Variants in IQCH observed in about 807,000 individuals in gnomAD.
IQCH encodes IQ motif containing H.
IQCH carries 98 observed loss-of-function variants against 117.0 expected under a neutral mutation model. The observed-to-expected ratio is 0.84, with a 90% CI of 0.71 to 0.99. The LOEUF (loss-of-function observed/expected upper bound fraction) is 0.99. IQCH is among the 50% of genes least tolerant of loss of function. The probability of loss-of-function intolerance (pLI) is 0.00; values close to 1 mark genes in which losing one functional copy is unlikely to be tolerated. For missense variants in IQCH, 1,102 were observed against 1,243.8 expected (o/e 0.89, Z 1.72); for synonymous variants, 412 against 448.2 (o/e 0.92, Z 1.02).
Position 67,424,674 on chromosome 15 carries a change from T to C in IQCH, c.2505+3097T>C, listed in dbSNP as rs2081842333. Among the ~76,000 whole-genome samples the C allele has an allele frequency of 6.6e-6, 1 of 152,194 alleles. No homozygotes were observed. Among genetic ancestry groups the C allele is most frequent in the South Asian group, 2.1e-4 (1 of 4,824 alleles). On this transcript the variant is annotated intron_variant, in intron 16 of 20. Transcript: ENST00000335894. This position sits in a 1 kb window ranked among gnomAD's most constrained non-coding sequence, Gnocchi z 4.9. ...TTTGAAGAAGGAGCTCAAACATTCA[T>C]TGGATGAATGGGATAGATAGATATT...
Position 67,406,658 on chromosome 15 carries a change from G to A in IQCH, c.2097+6353G>A, listed in dbSNP as rs1971919315. 3 of 152,280 alleles carry A rather than the reference G, an allele frequency of 2.0e-5. No homozygotes were observed. The highest frequency in any genetic ancestry group is 1.9e-4 in the East Asian group (1 of 5,190). The allele number at this position is 152,280 out of a possible 1,614,324, so 9.4% of individuals were successfully genotyped here. A position where few individuals can be genotyped will look rare whatever the true frequency, so the allele number is the denominator to read the frequency against. The stretch of plus-strand genomic sequence containing the variant: ...GCAGAATGAGTGTTGGAACAGGCTA[G>A]TCATTCAGGGTAACTAAGAGGTAGT... On this transcript the variant is annotated intron_variant, in intron 14 of 20. Transcript: ENST00000335894. This position sits in a 1 kb window ranked among gnomAD's most constrained non-coding sequence, Gnocchi z 4.5.
At position 67,366,508 on chromosome 15, in the gene IQCH, A is replaced by G. The variant is rs558558531; in HGVS notation, c.754-5603A>G. Among the ~76,000 whole-genome samples, 200 of 152,350 alleles carry G rather than the reference A, an allele frequency of 1.3e-3. No homozygotes were observed. Among genetic ancestry groups the G allele is most frequent in the Non-Finnish European group, 2.5e-3 (172 of 68,032 alleles). Reference sequence around the variant, plus strand: ...TTTTTCTCCTCAGGAAGTGTTTCAGAGTTCAGGAAGACTCATTTGAATAAA... The same window carrying G: ...TTTTTCTCCTCAGGAAGTGTTTCAGGGTTCAGGAAGACTCATTTGAATAAA... On this transcript the variant is annotated intron_variant, in intron 8 of 20. Transcript: ENST00000335894. This position sits in a 1 kb window ranked among gnomAD's most constrained non-coding sequence, Gnocchi z 4.4.
rs941263017 is a variant in IQCH, at chr15:67,370,781, T to C, written c.754-1330T>C. Among the ~76,000 whole-genome samples the C allele has an allele frequency of 5.3e-5, 8 of 152,220 alleles. No homozygotes were observed. The highest frequency in any genetic ancestry group is 1.0e-4 in the Non-Finnish European group (7 of 68,028). On this transcript the variant is annotated intron_variant, in intron 8 of 20. Coordinates refer to ENST00000335894, the MANE Select transcript of IQCH (RefSeq NM_001031715.3). This position sits in a 1 kb window ranked among gnomAD's most constrained non-coding sequence, Gnocchi z 5.6. ...AAGCTCACTGCTGTTTAAAGTCTGC[T>C]TCTAAAGTGAAAGGAAATTTGCACT...
Position 67,500,598 on chromosome 15 carries a change from G to A in IQCH, c.2971-35G>A, listed in dbSNP as rs1370603971. 1 of 1,079,420 alleles carries A rather than the reference G, an allele frequency of 9.3e-7. No homozygotes were observed. The highest frequency in any genetic ancestry group is 1.6e-5 in the African/African-American group (1 of 63,450). 66.9% of individuals were successfully genotyped at this position (1,079,420 alleles called of 1,614,324 possible). On this transcript the variant is annotated intron_variant, in intron 20 of 20. Transcript: ENST00000335894. This position sits in a 1 kb window ranked among gnomAD's most constrained non-coding sequence, Gnocchi z 4.4. ...TGCTTGGGGGAGAGGGATTGTAAGAGGTCTTTAAGTAATAAATATTGTCTT... is the reference window on the plus strand; with the variant it reads ...TGCTTGGGGGAGAGGGATTGTAAGAAGTCTTTAAGTAATAAATATTGTCTT...
chr15:67,363,804 G>T (rs1970236361), intron 8 of IQCH, among the ~76,000 whole-genome samples: 1 of 152,172 alleles, frequency 6.6e-6, no homozygotes, highest in African/African-American at 2.4e-5. Context: ...AGAACATGCA[G>T]TATTTGGTTT....
chr15:67,469,850 C>T (rs116377735), intron 17 of IQCH, among the ~76,000 whole-genome samples: 34 of 152,318 alleles, frequency 2.2e-4, no homozygotes, highest in African/African-American at 7.9e-4. Context: ...GGTCAGTAGG[C>T]AAGCAAGTAG....
chr15:67,416,228 C>T lies in IQCH; in HGVS notation c.2098-703C>T, dbSNP rs2081572176. Among the ~76,000 whole-genome samples the T allele has an allele frequency of 6.6e-6, 1 of 151,796 alleles. No homozygotes were observed. The highest frequency in any genetic ancestry group is 2.4e-5 in the African/African-American group (1 of 41,302). On this transcript the variant is annotated intron_variant, in intron 14 of 20. Coordinates refer to ENST00000335894, the MANE Select transcript of IQCH (RefSeq NM_001031715.3). The surrounding 1 kb of genome is among the most constrained non-coding windows in gnomAD (Gnocchi z 5.1). ...TGAAACCCTATCTCTACTAAAAATA[C>T]AAAATTAGGCTGGGCACAGTGGCTC...
chr15:67,462,780 ACT>A (rs1285752893), intron 16 of IQCH, among the ~76,000 whole-genome samples: 1 of 151,884 alleles, frequency 6.6e-6, no homozygotes, highest in Non-Finnish European at 1.5e-5. Flanking sequence ...CAAAATAGAA[ACT>A]CTGAAAAAAA....
At chr15:67,262,645 A>G (rs1363498438) in intron 2 of IQCH, among the ~76,000 whole-genome samples, 1 of 152,172 alleles carries the variant, frequency 6.6e-6, no homozygotes, top group Non-Finnish European at 1.5e-5. Context: ...CTAAAAATGC[A>G]TTGACTATTG....
intron 4 of IQCH, among the ~76,000 whole-genome samples, chr15:67,325,548 T>C (rs1234422886): frequency 6.6e-6 from 1 of 152,104 alleles, no homozygotes; most frequent in Non-Finnish European, 1.5e-5. Flanking sequence ...TTTTGAAGTA[T>C]GTACATATAA....
At chr15:67,468,755 C>T (rs1433695021) in intron 17 of IQCH, among the ~76,000 whole-genome samples, 2 of 152,088 alleles carry the variant, frequency 1.3e-5, no homozygotes, top group Non-Finnish European at 2.9e-5. Context: ...ATTTGTGGTC[C>T]CTTACTGCCG....
intron 8 of IQCH, 150 bp downstream of exon 8, chr15:67,360,035 T>C: frequency 1.6e-6 from 1 of 617,242 alleles, no homozygotes; most frequent in East Asian, 2.9e-5. Flanking sequence ...TAGATCATGG[T>C]TTCAGGAAAA....
At position 67,372,613 on chromosome 15, in the gene IQCH, T is replaced by C. The variant is rs1970586074; in HGVS notation, c.1256T>C (p.Leu419Pro). The change falls in exon 9 of 21, where the codon CTA (leucine) becomes CCA (proline). Residue 419 changes from leucine to proline, a missense_variant. This residue lies in a region of IQCH where 650 missense variants were observed against 794.3 expected (regional missense o/e 0.82). Coordinates refer to ENST00000335894, the MANE Select transcript of IQCH (RefSeq NM_001031715.3). ...YCHKTRLKKI[L>P]KESRQRHLEN... ...CATAAGACTCGACTAAAGAAGATAC[T>C]AAAGGAATCACGTCAGAGACACCTG... 6.2e-7 allele frequency: 1 copy of C among 1,613,162 alleles called. No homozygotes were observed. The highest frequency in any genetic ancestry group is 8.5e-7 in the Non-Finnish European group (1 of 1,179,686).
Position 67,338,235 on chromosome 15 carries a change from C to CTATCTATCTATCTGTT in IQCH, c.508+1155_508+1156insTTATCTATCTATCTGT, listed in dbSNP as rs1555455332. 2.7e-3 allele frequency among the ~76,000 whole-genome samples: 402 copies of CTATCTATCTATCTGTT among 149,632 alleles called. 2 individuals are homozygous for CTATCTATCTATCTGTT. Among genetic ancestry groups the CTATCTATCTATCTGTT allele is most frequent in the Non-Finnish European group, 5.0e-3 (335 of 67,446 alleles). ...TCTATCTATCTATCTATCTATCTATCTATCTATCTATCTGTCTGCTCTGCT... is the reference window on the plus strand; with the variant it reads ...TCTATCTATCTATCTATCTATCTATCTATCTATCTATCTGTTTATCTATCTATCTGTCTGCTCTGCT... On this transcript the variant is annotated intron_variant, in intron 5 of 20. Transcript: ENST00000335894.
rs371831754 is a variant in IQCH at position 67,462,322 on chromosome 15, C to T, written c.2506-2805C>T. Among the ~76,000 whole-genome samples the T allele has an allele frequency of 5.9e-4, 89 of 151,194 alleles. 3 individuals are homozygous for T. The South Asian group carries it at 0.014, about 23-fold the overall frequency. On this transcript the variant is annotated intron_variant, in intron 16 of 20. Transcript: ENST00000335894. ...CAGGCACCTATAATCCCAGCTACTC[C>T]GGAGGCTGAGGCAGAGAATTGCTTG...
chr15:67,402,278 C>T (rs1378815900), intron 14 of IQCH, among the ~76,000 whole-genome samples: 1 of 152,170 alleles, frequency 6.6e-6, no homozygotes. Flanking sequence ...AATCTCCTTA[C>T]AGTCTGAGGC....
intron 4 of IQCH, among the ~76,000 whole-genome samples, chr15:67,310,907 A>C (rs1416950306): frequency 1.3e-5 from 2 of 152,132 alleles, no homozygotes; most frequent in African/African-American, 2.4e-5. Flanking sequence ...ATGGGATGTG[A>C]TAGAACATCC....
intron 4 of IQCH, among the ~76,000 whole-genome samples, chr15:67,294,260 T>C (rs1052961205): frequency 1.3e-5 from 2 of 152,218 alleles, no homozygotes; most frequent in African/African-American, 4.8e-5. Flanking sequence ...TTTTGTCTTA[T>C]TGTCTTTTCC....
chr15:67,291,723 G>T (rs1438264666), intron 4 of IQCH, among the ~76,000 whole-genome samples: 2 of 151,912 alleles, frequency 1.3e-5, no homozygotes, highest in African/African-American at 4.8e-5. Flanking sequence ...CCTCTATCAG[G>T]GTAAAAATTT....
Sources: allele counts gnomAD v4.1 joint callset (sites outside exome capture counted in the v4.1 genomes callset), GRCh38; gene constraint gnomAD v4.1.1; regional missense constraint gnomAD v4.1.1; non-coding constraint Gnocchi (gnomAD v3.1); transcripts MANE v1.5; gene names NCBI Gene and HGNC (gene_info 2026-07-23, HGNC 2026-07-21).